The following MEIOB variants were observed in gnomAD, a reference collection of about 807,000 sequenced individuals.
MEIOB encodes meiosis-specific with OB domain-containing protein.
Under a neutral mutation model 53.1 loss-of-function variants are expected in MEIOB, and 50 were observed. The observed-to-expected ratio is 0.94, with a 90% CI of 0.75 to 1.19. The LOEUF (loss-of-function observed/expected upper bound fraction) is 1.19, where lower values mean the gene tolerates loss of function less well. MEIOB is among the 50% of genes most tolerant of loss of function. MEIOB has a pLI of 0.00. For missense variants in MEIOB, 551 were observed against 550.8 expected (o/e 1.00, Z 0.00); for synonymous variants, 192 against 182.5 (o/e 1.05, Z -0.42).
At chr16:1,847,200 G>A (rs9931865) in intron 9 of MEIOB, among the ~76,000 whole-genome samples, 19,595 of 151,194 alleles carry the variant, frequency 0.13, 1,261 homozygotes, top group East Asian at 0.16. Flanking sequence ...TGTGGCTCAC[G>A]CCTGTAATCC....
At position 1,853,969 on chromosome 16, in the gene MEIOB, T is replaced by A. The variant is rs112521246; in HGVS notation, c.629+131A>T. On this transcript the variant is annotated intron_variant, in intron 7 of 13. Coordinates refer to ENST00000325962, the MANE Select transcript of MEIOB (RefSeq NM_001163560.3). Reference sequence around the variant, plus strand: ...CTCAACATTCAAGAGTGAGATTTATTTTTTAAAATATCATTCATCTCCTAT... The same window carrying A: ...CTCAACATTCAAGAGTGAGATTTATATTTTAAAATATCATTCATCTCCTAT... 1.8e-5 allele frequency: 12 copies of A among 659,820 alleles called. No homozygotes were observed. The African/African-American group carries it at 1.8e-4, about 10-fold the overall frequency. 40.9% of individuals were successfully genotyped at this position (659,820 alleles called of 1,614,324 possible).
At chr16:1,841,063 C>T (rs1045771499) in intron 11 of MEIOB, 17 of 133,074 alleles carry the variant, frequency 1.3e-4, no homozygotes, top group African/African-American at 4.7e-4. Flanking sequence ...CTCGCCCAGG[C>T]TGGAGTGCAA....
intron 3 of MEIOB, among the ~76,000 whole-genome samples, chr16:1,865,006 A>C (rs1899547884): frequency 6.6e-6 from 1 of 152,280 alleles, no homozygotes; most frequent in Non-Finnish European, 1.5e-5. Flanking sequence ...ATTTACCTTA[A>C]AGATAAAAGC....
chr16:1,842,051 G>T, intron 10 of MEIOB, 78 bp from the exon 11 acceptor site: 2 of 1,015,750 alleles, frequency 2.0e-6, no homozygotes, highest in Non-Finnish European at 2.6e-6. Context: ...GGAAAGCTAT[G>T]ACAAATGAGA....
chr16:1,841,313 C>T (rs541055119), intron 11 of MEIOB, among the ~76,000 whole-genome samples: 2 of 152,192 alleles, frequency 1.3e-5, no homozygotes, highest in East Asian at 1.9e-4. Context: ...CCACCGTGCC[C>T]GGCCTGCAGT....
rs201418382 is a variant in MEIOB, at chr16:1,857,887, C to G, written c.376G>C (p.Val126Leu). ...LLSENHSTVK[V>L]CSSYEVDTKL... Reference sequence around the variant, plus strand: ...GTGTCCACTTCATAACTGGAACAAACTTTTACTGTTGAGTGATTCTCACTG... The same window carrying G: ...GTGTCCACTTCATAACTGGAACAAAGTTTTACTGTTGAGTGATTCTCACTG... The change falls in exon 6 of 14, where the codon GTT (valine) becomes CTT (leucine). Residue 126 changes from valine (V) to leucine (L), a missense_variant. Transcript: ENST00000325962. The G allele has an allele frequency of 6.4e-7, 1 of 1,551,012 alleles. No individual in the cohort carries two copies. Among genetic ancestry groups the G allele is most frequent in the African/African-American group, 1.4e-5 (1 of 73,154 alleles).
At position 1,853,221 on chromosome 16, in the gene MEIOB, G is replaced by C; in HGVS notation, c.680C>G (p.Thr227Arg). ...LLAQSWMPRE[T>R]VIFASDVRIN... ...ACACAATCATTGAATGATAATACCTGTTTCTCGTGGCATCCAGCTCTGTGC... is the reference window on the plus strand; with the variant it reads ...ACACAATCATTGAATGATAATACCTCTTTCTCGTGGCATCCAGCTCTGTGC... Residue 227 changes from threonine to arginine, a missense_variant and splice_region_variant, in exon 8 of 14, where the codon ACA becomes AGA. Coordinates refer to ENST00000325962, the MANE Select transcript of MEIOB (RefSeq NM_001163560.3). The C allele has an allele frequency of 1.3e-6, 2 of 1,552,392 alleles. No homozygotes were observed. Among genetic ancestry groups the C allele is most frequent in the Non-Finnish European group, 1.7e-6 (2 of 1,146,100 alleles).
At chr16:1,857,993 G>C in intron 5 of MEIOB, 63 bp from the exon 6 acceptor site, 1 of 1,065,022 alleles carries the variant, frequency 9.4e-7, no homozygotes, top group Non-Finnish European at 1.3e-6. Flanking sequence ...AATATTTCCA[G>C]GTCCACATTT....
At position 1,844,885 on chromosome 16, in the gene MEIOB, C is replaced by G. The variant is rs375920721; in HGVS notation, c.857G>C (p.Ser286Thr). ...ETNVLDDEID[S>T]YFKESINLST... Reference sequence around the variant, plus strand: ...ACAATTTATGGATTCTTTGAAATAACTGTCAATTTCATCATCCAGAACATT... The same window carrying G: ...ACAATTTATGGATTCTTTGAAATAAGTGTCAATTTCATCATCCAGAACATT... The change falls in exon 10 of 14, where the codon AGT (serine) becomes ACT (threonine). Residue 286 changes from serine to threonine, a missense_variant. By Grantham distance (58) the Ser-to-Thr change is moderately conservative. Transcript: ENST00000325962. The G allele has an allele frequency of 9.7e-6, 15 of 1,553,584 alleles. No individual in the cohort carries two copies. Among genetic ancestry groups the G allele is most frequent in the Non-Finnish European group, 1.3e-5 (15 of 1,133,026 alleles).
chr16:1,851,279 T>A (rs770802789), intron 9 of MEIOB, among the ~76,000 whole-genome samples: 1 of 152,144 alleles, frequency 6.6e-6, no homozygotes, highest in Non-Finnish European at 1.5e-5. Flanking sequence ...CTCCCACACA[T>A]AGGCACAGGG....
intron 1 of MEIOB, among the ~76,000 whole-genome samples, chr16:1,871,070 T>C (rs941357798): frequency 9.2e-5 from 14 of 152,112 alleles, no homozygotes; most frequent in African/African-American, 3.1e-4. Flanking sequence ...TATATGGTAA[T>C]AGACGTTAGT....
At chr16:1,868,901 C>A (rs1483015967) in intron 1 of MEIOB, among the ~76,000 whole-genome samples, 2 of 151,994 alleles carry the variant, frequency 1.3e-5, no homozygotes, top group Admixed American at 6.6e-5. Flanking sequence ...TAGGAAAGCA[C>A]TGGATAGTTT....
At chr16:1,865,036 C>G (rs1419913958) in intron 3 of MEIOB, among the ~76,000 whole-genome samples, 1 of 152,108 alleles carries the variant, frequency 6.6e-6, no homozygotes, top group Non-Finnish European at 1.5e-5. Flanking sequence ...GTAATCTGAT[C>G]ACTCTAGGAG....
chr16:1,842,314 TAGAAAA>T (rs1395529700), intron 10 of MEIOB, among the ~76,000 whole-genome samples: 2 of 151,688 alleles, frequency 1.3e-5, no homozygotes, highest in Non-Finnish European at 2.9e-5. Context: ...AAATATCAAT[TAGAAAA>T]AGACAGTGAC....
chr16:1,848,420 C>T (rs184303061), intron 9 of MEIOB, among the ~76,000 whole-genome samples: 38 of 152,280 alleles, frequency 2.5e-4, no homozygotes, highest in African/African-American at 8.2e-4. Flanking sequence ...ACAGAACATG[C>T]CTTCAGGGAG....
rs181152664 is a variant in MEIOB, at chr16:1,845,258, G to A, written c.779-295C>T. On this transcript the variant is annotated intron_variant, in intron 9 of 13. Coordinates refer to ENST00000325962, the MANE Select transcript of MEIOB (RefSeq NM_001163560.3). ...TAAGGGACCGGGCGCAGTGGCTCAC[G>A]CCTGTAATCCCAGCACTTTGGGAGG... Among the ~76,000 whole-genome samples the A allele has an allele frequency of 1.1e-3, 174 of 152,276 alleles. 1 individual carries two copies. Among genetic ancestry groups the A allele is most frequent in the Middle Eastern group, 6.8e-3 (2 of 294 alleles).
intron 5 of MEIOB, among the ~76,000 whole-genome samples, chr16:1,858,180 C>CTCTG (rs1899356631): frequency 6.6e-6 from 1 of 152,176 alleles, no homozygotes; most frequent in African/African-American, 2.4e-5. Context: ...TTGCCCAAGA[C>CTCTG]TCTGCGCTTG....
chr16:1,858,516 C>T (rs1287989269), intron 5 of MEIOB, among the ~76,000 whole-genome samples: 1 of 152,144 alleles, frequency 6.6e-6, no homozygotes, highest in African/African-American at 2.4e-5. Context: ...ACTTCTCTCC[C>T]AAGCCACTGC....
chr16:1,847,320 T>C (rs1398933798), intron 9 of MEIOB, among the ~76,000 whole-genome samples: 2 of 150,596 alleles, frequency 1.3e-5, no homozygotes, highest in Non-Finnish European at 1.5e-5. Flanking sequence ...AAATTAGCCA[T>C]GTGTGGTGGT....
Sources: gnomAD v4.1 joint callset for allele counts (sites outside exome capture counted in the v4.1 genomes callset) on GRCh38, gnomAD v4.1.1 for gene constraint, MANE v1.5 for transcripts, NCBI Gene and HGNC (gene_info 2026-07-23, HGNC 2026-07-21) for gene names.